Variants in CATSPERT observed in about 807,000 individuals in gnomAD.
The protein encoded by CATSPERT is cation channel sperm-associated targeting subunit tau.
the CATSPERT span, among the ~76,000 whole-genome samples, chr2:201,617,785 G>T: frequency 6.6e-6 from 1 of 152,034 alleles, no homozygotes; most frequent in East Asian, 1.9e-4. Context: ...TACAGAATGG[G>T]AGAAAATTTT....
chr2:201,546,769 C>G, the CATSPERT span, among the ~76,000 whole-genome samples: 1 of 152,060 alleles, frequency 6.6e-6, no homozygotes, highest in Admixed American at 6.6e-5. Flanking sequence ...GCTTCTACTC[C>G]TTTATATATA....
chr2:201,570,324 A>G, the CATSPERT span, among the ~76,000 whole-genome samples: 13 of 152,158 alleles, frequency 8.5e-5, no homozygotes, highest in Non-Finnish European at 1.9e-4. Flanking sequence ...ATAAATTTAA[A>G]AACTCAAATA....
chr2:201,544,851 G>A, the CATSPERT span, among the ~76,000 whole-genome samples: 4 of 147,870 alleles, frequency 2.7e-5, no homozygotes, highest in Non-Finnish European at 6.0e-5. Flanking sequence ...ACAAAAATTA[G>A]CCAGGCATGG....
chr2:201,575,428 T>A, the CATSPERT span: 34 of 773,960 alleles, frequency 4.4e-5, no homozygotes, highest in Non-Finnish European at 5.9e-5. Context: ...GGACTGGTGC[T>A]GGTCCATGGC....
chr2:201,589,117 A>G, the CATSPERT span, among the ~76,000 whole-genome samples: 1 of 152,166 alleles, frequency 6.6e-6, no homozygotes, highest in Non-Finnish European at 1.5e-5. Flanking sequence ...GACACAACAA[A>G]TGGTAGAACA....
the CATSPERT span, among the ~76,000 whole-genome samples, chr2:201,596,988 TA>T: frequency 2.0e-5 from 3 of 152,214 alleles, no homozygotes; most frequent in Non-Finnish European, 4.4e-5. Flanking sequence ...TATCCCTCCA[TA>T]AGTGGTAATT....
At chr2:201,592,462 C>T in the CATSPERT span, among the ~76,000 whole-genome samples, 2 of 148,930 alleles carry the variant, frequency 1.3e-5, no homozygotes, top group East Asian at 3.9e-4. Context: ...TGTGTCTCTG[C>T]CCGCCTTTGG....
At chr2:201,579,123 A>G in the CATSPERT span, among the ~76,000 whole-genome samples, 1 of 152,222 alleles carries the variant, frequency 6.6e-6, no homozygotes, top group African/African-American at 2.4e-5. Context: ...ATTCATACAT[A>G]TATATCCACA....
chr2:201,540,871 C>T, the CATSPERT span, among the ~76,000 whole-genome samples: 1 of 152,122 alleles, frequency 6.6e-6, no homozygotes, highest in Middle Eastern at 3.2e-3. Context: ...AAATCGAAAA[C>T]CTTCTGCAAA....
chr2:201,549,298 C>T, the CATSPERT span, among the ~76,000 whole-genome samples: 1 of 151,900 alleles, frequency 6.6e-6, no homozygotes, highest in African/African-American at 2.4e-5. Context: ...ACATGAAACA[C>T]CATTTCATCA....
the CATSPERT span, chr2:201,572,146 G>T: frequency 1.7e-6 from 1 of 584,180 alleles, no homozygotes; most frequent in Non-Finnish European, 3.0e-6. Context: ...GGCCTTAAAT[G>T]AGACATGTAA....
At chr2:201,611,175 C>T in the CATSPERT span, among the ~76,000 whole-genome samples, 1 of 152,138 alleles carries the variant, frequency 6.6e-6, no homozygotes, top group Non-Finnish European at 1.5e-5. Context: ...CAAATTGTCC[C>T]TATTTGCTAA....
chr2:201,536,148 G>C, the CATSPERT span: 1 of 1,613,454 alleles, frequency 6.2e-7, no homozygotes, highest in Non-Finnish European at 8.5e-7. Flanking sequence ...ACCTAAAGGT[G>C]GTATTCTGCC....
At chr2:201,595,191 CTTTT>C in the CATSPERT span, among the ~76,000 whole-genome samples, 4 of 111,714 alleles carry the variant, frequency 3.6e-5, no homozygotes, top group East Asian at 2.7e-4. Flanking sequence ...AGTTTTCCTT[CTTTT>C]TTTTTTTTTT....
At chr2:201,545,552 C>G in the CATSPERT span, 1 of 1,438,878 alleles carries the variant, frequency 6.9e-7, no homozygotes, top group Non-Finnish European at 9.2e-7. Context: ...CCTACTCCTA[C>G]AATATTTTCA....
the CATSPERT span, chr2:201,495,988 C>A: frequency 6.9e-7 from 1 of 1,453,808 alleles, no homozygotes; most frequent in South Asian, 1.2e-5. Context: ...AAAAGAAGTT[C>A]TAATTTTAGA....
chr2:201,581,506 ATATATATATATATAT>A, the CATSPERT span, among the ~76,000 whole-genome samples: 7 of 102,168 alleles, frequency 6.9e-5, 2 homozygotes, highest in Admixed American at 5.1e-4. Flanking sequence ...ATATATATAT[ATATATATATATATAT>A]ATAAAATATT....
chr2:201,542,577 T>C, the CATSPERT span, among the ~76,000 whole-genome samples: 2 of 152,236 alleles, frequency 1.3e-5, no homozygotes, highest in Non-Finnish European at 2.9e-5. Flanking sequence ...GATATCTCAT[T>C]ATGATTTTGA....
chr2:201,565,304 CA>C, the CATSPERT span, among the ~76,000 whole-genome samples: 71,542 of 144,078 alleles, frequency 0.5, 17,789 homozygotes, highest in Non-Finnish European at 0.53. Context: ...GGCCTCGTCT[CA>C]AAAAAAAAAA....
Sources: allele counts gnomAD v4.1 joint callset (sites outside exome capture counted in the v4.1 genomes callset), GRCh38; gene constraint gnomAD v4.1.1; transcripts MANE v1.5; gene names NCBI Gene and HGNC (gene_info 2026-07-23, HGNC 2026-07-21).